The following CCBE1 variants were observed in gnomAD, a reference collection of about 807,000 sequenced individuals.
CCBE1 encodes collagen and calcium-binding EGF domain-containing protein 1.
In CCBE1, 37 loss-of-function variants were observed where a neutral mutation model predicts 50.0. That is an observed-to-expected ratio of 0.74 (90% CI 0.57 to 0.97). The LOEUF (loss-of-function observed/expected upper bound fraction) is 0.97. CCBE1 is among the 50% of genes least tolerant of loss of function. CCBE1 has a pLI of 0.00. For missense variants in CCBE1, 538 were observed against 523.8 expected (o/e 1.03, Z -0.26); for synonymous variants, 234 against 203.7 (o/e 1.15, Z -1.27).
At chr18:59,454,720 C>A in intron 6 of CCBE1, 131 bp downstream of exon 6, 1 of 822,192 alleles carries the variant, frequency 1.2e-6, no homozygotes, top group Non-Finnish European at 2.0e-6. Context: ...CAAGTCCATG[C>A]AAACCTCACT....
chr18:59,470,821 C>T (rs1911996915), intron 3 of CCBE1, among the ~76,000 whole-genome samples: 1 of 152,152 alleles, frequency 6.6e-6, no homozygotes, highest in Non-Finnish European at 1.5e-5. Flanking sequence ...CTTTGCTCCA[C>T]CACATATGAA....
chr18:59,527,901 C>G (rs1285177491), intron 2 of CCBE1, among the ~76,000 whole-genome samples: 1 of 152,068 alleles, frequency 6.6e-6, no homozygotes, highest in Admixed American at 6.6e-5. Flanking sequence ...CTCTCTGGCT[C>G]CCCTAACATT....
intron 2 of CCBE1, among the ~76,000 whole-genome samples, chr18:59,611,153 T>C (rs949320238): frequency 1.3e-5 from 2 of 152,224 alleles, no homozygotes; most frequent in Non-Finnish European, 2.9e-5. Context: ...CCTATTCCAA[T>C]GTATGAGCAA....
At chr18:59,687,795 C>T (rs2054676773) in intron 2 of CCBE1, among the ~76,000 whole-genome samples, 1 of 152,090 alleles carries the variant, frequency 6.6e-6, no homozygotes, top group Non-Finnish European at 1.5e-5. Context: ...CCCATCTCTA[C>T]TAAAAATACA....
intron 2 of CCBE1, among the ~76,000 whole-genome samples, chr18:59,666,839 C>T (rs1163033780): frequency 6.6e-6 from 1 of 152,118 alleles, no homozygotes; most frequent in African/African-American, 2.4e-5. Context: ...GTGGTGCGTG[C>T]CTGTAGTCCC....
At chr18:59,664,417 C>T (rs142666206) in intron 2 of CCBE1, among the ~76,000 whole-genome samples, 1 of 152,120 alleles carries the variant, frequency 6.6e-6, no homozygotes, top group Non-Finnish European at 1.5e-5. Context: ...TAAATGGGAA[C>T]AGAAGAGATT....
intron 2 of CCBE1, among the ~76,000 whole-genome samples, chr18:59,505,402 T>A (rs1019873576): frequency 6.6e-6 from 1 of 152,208 alleles, no homozygotes; most frequent in Admixed American, 6.5e-5. Context: ...TGATTGCAAT[T>A]GTATACACAG....
chr18:59,543,834 C>CAAAAAAAAA (rs10678902), intron 2 of CCBE1, among the ~76,000 whole-genome samples: 55 of 68,934 alleles, frequency 8.0e-4, no homozygotes, highest in Middle Eastern at 0.01. Flanking sequence ...GACTCCGTCT[C>CAAAAAAAAA]AAAAAAAAAA....
chr18:59,511,199 CCTAA>C (rs1433687813), intron 2 of CCBE1, among the ~76,000 whole-genome samples: 3 of 152,210 alleles, frequency 2.0e-5, no homozygotes, highest in Non-Finnish European at 2.9e-5. Flanking sequence ...CTAACTGGTG[CCTAA>C]CTAACTGCCA....
chr18:59,514,342 C>A (rs890986771), intron 2 of CCBE1, among the ~76,000 whole-genome samples: 1 of 152,034 alleles, frequency 6.6e-6, no homozygotes, highest in Non-Finnish European at 1.5e-5. Context: ...GCCCCTGACA[C>A]GGCTCCTCCA....
At chr18:59,580,427 T>C (rs2053066682) in intron 2 of CCBE1, among the ~76,000 whole-genome samples, 1 of 152,212 alleles carries the variant, frequency 6.6e-6, no homozygotes, top group Admixed American at 6.5e-5. Context: ...AACCAAATTA[T>C]GCTCTGACCA....
At chr18:59,653,044 G>T (rs1448476296) in intron 2 of CCBE1, among the ~76,000 whole-genome samples, 1 of 152,110 alleles carries the variant, frequency 6.6e-6, no homozygotes, top group African/African-American at 2.4e-5. Context: ...AGAAAACTAT[G>T]AAAAGGCAGT....
chr18:59,565,551 T>C lies in CCBE1; in HGVS notation c.213-85313A>G, dbSNP rs117034736. On this transcript the variant is annotated intron_variant, in intron 2 of 10. Transcript: ENST00000439986. ...ACTGAGGCCTACTGCACATAGTGCC[T>C]GACCTTAGAATTAGGACCAGCTTTG... is the stretch of plus-strand genomic sequence containing the variant. Among the ~76,000 whole-genome samples the C allele has an allele frequency of 6.1e-3, 927 of 152,312 alleles. 6 individuals are homozygous for C. Among genetic ancestry groups the C allele is most frequent in the Middle Eastern group, 0.024 (7 of 294 alleles).
chr18:59,696,857 G>A (rs3114280), intron 1 of CCBE1, 148 bp from the exon 2 acceptor site: 3 of 867,916 alleles, frequency 3.5e-6, no homozygotes, highest in Admixed American at 2.0e-5. Context: ...GCGTACGCGG[G>A]GCAGACTCCG....
At chr18:59,625,832 A>G (rs1397542224) in intron 2 of CCBE1, among the ~76,000 whole-genome samples, 2 of 152,270 alleles carry the variant, frequency 1.3e-5, no homozygotes, top group Non-Finnish European at 2.9e-5. Context: ...GTGGTGATTA[A>G]GTCATCATGA....
At chr18:59,556,161 G>A (rs916281444) in intron 2 of CCBE1, among the ~76,000 whole-genome samples, 2 of 152,130 alleles carry the variant, frequency 1.3e-5, no homozygotes, top group Non-Finnish European at 1.5e-5. Flanking sequence ...TGACACCTTG[G>A]CTGACCTACC....
At chr18:59,610,100 G>A (rs2053549728) in intron 2 of CCBE1, among the ~76,000 whole-genome samples, 1 of 152,182 alleles carries the variant, frequency 6.6e-6, no homozygotes, top group African/African-American at 2.4e-5. Flanking sequence ...CTGTCACTTT[G>A]GGATACATGC....
At chr18:59,467,092 T>C (rs1379183984) in intron 4 of CCBE1, among the ~76,000 whole-genome samples, 1 of 152,248 alleles carries the variant, frequency 6.6e-6, no homozygotes, top group African/African-American at 2.4e-5. Context: ...TGGCCATTGT[T>C]ACAGGCTGAT....
chr18:59,530,242 G>A (rs1251995259), intron 2 of CCBE1, among the ~76,000 whole-genome samples: 2 of 152,132 alleles, frequency 1.3e-5, no homozygotes, highest in African/African-American at 4.8e-5. Flanking sequence ...GAGGAAGTCT[G>A]GAGTCAAGGT....
Sources: allele counts gnomAD v4.1 joint callset (sites outside exome capture counted in the v4.1 genomes callset), GRCh38; gene constraint gnomAD v4.1.1; transcripts MANE v1.5; gene names NCBI Gene and HGNC (gene_info 2026-07-23, HGNC 2026-07-21).